The following TTC34 variants were observed in gnomAD, a reference collection of about 807,000 sequenced individuals.
The protein encoded by TTC34 is tetratricopeptide repeat domain 34.
In TTC34, 44 loss-of-function variants were observed where a neutral mutation model predicts 40.7. The observed-to-expected ratio is 1.08, with a 90% CI of 0.85 to 1.39. The LOEUF (loss-of-function observed/expected upper bound fraction) is 1.39. Ranked by LOEUF, TTC34 falls within the 40% of genes most tolerant of loss-of-function variation. TTC34 has a pLI of 0.00. For missense variants in TTC34, 884 were observed against 838.0 expected, an observed-to-expected ratio of 1.05 and a Z score of -0.68; for synonymous variants, 422 against 398.6, an observed-to-expected ratio of 1.06 and a Z score of -0.70.
At chr1:2,793,792 C>T (rs1444896163) in intron 2 of TTC34, among the ~76,000 whole-genome samples, 1 of 152,116 alleles carries the variant, frequency 6.6e-6, no homozygotes, top group Non-Finnish European at 1.5e-5. Context: ...TCTATCTATT[C>T]CTGAAGTCAA....
chr1:2,645,369 C>G lies in TTC34; in HGVS notation c.2421G>C (p.Val807=). The change falls in exon 7 of 9, where the codon GTG becomes GTC. Residue 807 remains valine, a synonymous_variant. Coordinates refer to ENST00000401095, the Ensembl canonical transcript of TTC34. This position sits in a 1 kb window ranked among gnomAD's most constrained non-coding sequence, Gnocchi z 4.7. ...AGTCGATTTTGATCAGCGCCTCCCC[C>G]ACAGCAAGGAGGCCCTGGGTGTCCT... The G allele has an allele frequency of 6.5e-7, 1 of 1,534,478 alleles. No individual in the cohort carries two copies. Among genetic ancestry groups the G allele is most frequent in the South Asian group, 1.2e-5 (1 of 83,908 alleles).
rs190984295 is a variant in TTC34 at position 2,777,482 on chromosome 1, T to G, written c.2226+6127A>C. On this transcript the variant is annotated intron_variant, in intron 6 of 8. Coordinates refer to ENST00000401095, the Ensembl canonical transcript of TTC34. ...CCGGTTAGTGTCTGAATTCCTGGAA[T>G]ATGTGCTGTCCTTTTCCACCAGGTG... 2.4e-4 allele frequency among the ~76,000 whole-genome samples: 36 copies of G among 151,818 alleles called. No homozygotes were observed. The East Asian group carries it at 4.7e-3, about 20-fold the overall frequency.
At chr1:2,753,512 G>A (rs1327645618) in intron 6 of TTC34, among the ~76,000 whole-genome samples, 1 of 15,500 alleles carries the variant, frequency 6.5e-5, no homozygotes, top group Non-Finnish European at 9.9e-5. Flanking sequence ...GGCGAGCATC[G>A]GACGGCCTGC....
chr1:2,693,779 A>AC (rs1640734975), intron 6 of TTC34, among the ~76,000 whole-genome samples: 2 of 100,740 alleles, frequency 2.0e-5, no homozygotes, highest in African/African-American at 3.9e-5. Flanking sequence ...CTGGAGCAGC[A>AC]CCCACACCCC....
chr1:2,778,770 ATCTT>A (rs1180894510), intron 6 of TTC34, among the ~76,000 whole-genome samples: 263 of 762 alleles, frequency 0.35, no homozygotes, highest in African/African-American at 0.45. Context: ...AAAATTTACC[ATCTT>A]AATTAATTAT....
At chr1:2,639,161 CAT>C (rs1291036309) in exon 9 of TTC34, 1 of 152,248 alleles carries the variant, frequency 6.6e-6, no homozygotes, top group African/African-American at 2.4e-5. Flanking sequence ...GATCGCAACA[CAT>C]AAAGTTTGGG....
intron 2 of TTC34, among the ~76,000 whole-genome samples, chr1:2,797,356 A>G (rs1347596601): frequency 3.9e-5 from 6 of 152,204 alleles, no homozygotes; most frequent in African/African-American, 1.4e-4. Context: ...CTTGCAGGAC[A>G]CTCACGCCAG....
intron 6 of TTC34, among the ~76,000 whole-genome samples, chr1:2,769,794 C>A (rs113626979): frequency 1.6e-5 from 2 of 128,730 alleles, no homozygotes; most frequent in Non-Finnish European, 3.3e-5. Context: ...GCCCACACCC[C>A]CAGGTGGGCA....
At chr1:2,794,411 C>T (rs1444277912) in intron 2 of TTC34, among the ~76,000 whole-genome samples, 1 of 152,194 alleles carries the variant, frequency 6.6e-6, no homozygotes, top group African/African-American at 2.4e-5. Context: ...AAATGGGACA[C>T]AGGGCATCTA....
At chr1:2,655,057 C>T (rs78951145) in intron 6 of TTC34, among the ~76,000 whole-genome samples, 36 of 54,704 alleles carry the variant, frequency 6.6e-4, no homozygotes, top group East Asian at 1.8e-3. Context: ...GCTGCACCCC[C>T]AAGTGAGCAC....
chr1:2,641,294 A>AC, exon 9 of TTC34: 1 of 1,425,002 alleles, frequency 7.0e-7, no homozygotes, highest in South Asian at 1.5e-5. Flanking sequence ...AGCTGGGTAC[A>AC]CCCCTGGGCC....
Position 2,792,033 on chromosome 1 carries a change from T to TTTTTTTTA in TTC34, c.785-1688_785-1687insTAAAAAAA, listed in dbSNP as rs1553171534. On this transcript the variant is annotated intron_variant, in intron 2 of 8. Coordinates refer to ENST00000401095, the Ensembl canonical transcript of TTC34. ...TTTTTTTTTTTTTTTTTTTTTTTTT[T>TTTTTTTTA]AAAGACAGGGTCTTGCTCCATCACC... is the stretch of plus-strand genomic sequence containing the variant. Among the ~76,000 whole-genome samples, 18 of 107,166 alleles carry TTTTTTTTA rather than the reference T, an allele frequency of 1.7e-4. 2 individuals are homozygous for TTTTTTTTA. The highest frequency in any genetic ancestry group is 5.8e-4 in the East Asian group (2 of 3,478). 70.3% of individuals were successfully genotyped at this position (107,166 alleles called of 152,430 possible).
intron 6 of TTC34, among the ~76,000 whole-genome samples, chr1:2,749,001 C>T (rs1641232487): frequency 6.2e-5 from 7 of 112,924 alleles, no homozygotes; most frequent in Middle Eastern, 4.7e-3. Context: ...AGCACCCACA[C>T]GCCCAGGTGA....
chr1:2,641,634 C>A, exon 9 of TTC34: 1 of 1,535,116 alleles, frequency 6.5e-7, no homozygotes, highest in Non-Finnish European at 8.7e-7. Flanking sequence ...GCCGCCTCAT[C>A]CCCCAGGCTC....
intron 6 of TTC34, among the ~76,000 whole-genome samples, chr1:2,764,178 G>A (rs1192570417): frequency 2.7e-5 from 4 of 146,314 alleles, no homozygotes; most frequent in African/African-American, 5.1e-5. Flanking sequence ...ACAGCACCCT[G>A]CAACCCCAGG....
chr1:2,691,598 T>C (rs796425993), intron 6 of TTC34, among the ~76,000 whole-genome samples: 1 of 106,890 alleles, frequency 9.4e-6, no homozygotes, highest in Non-Finnish European at 2.1e-5. Flanking sequence ...GGTGAGACCC[T>C]GACAGCCTGG....
chr1:2,789,527 G>C lies in TTC34; in HGVS notation c.1604C>G (p.Thr535Arg), dbSNP rs751006760. ...CCCCTCCTGCGTGGTGGGGCCGCCC[G>C]TCTCTGCGGCCTCCCTCCGGCCCTG... Residue 535 changes from threonine to arginine, a missense_variant, in exon 3 of 9, where the codon ACG (threonine) becomes AGG (arginine). Coordinates refer to ENST00000401095, the Ensembl canonical transcript of TTC34. 33 of 1,502,064 alleles carry C rather than the reference G, an allele frequency of 2.2e-5. No individual in the cohort carries two copies. The South Asian group carries it at 3.1e-4, about 14-fold the overall frequency. The allele number at this position is 1,502,064 out of a possible 1,614,324, so 93.0% of individuals were successfully genotyped here.
intron 2 of TTC34, among the ~76,000 whole-genome samples, chr1:2,793,976 A>G (rs1643688171): frequency 6.9e-6 from 1 of 144,618 alleles, no homozygotes; most frequent in Non-Finnish European, 1.5e-5. Context: ...TTCTGTGGAC[A>G]GTGAATATCT....
At chr1:2,691,255 C>T (rs1466696221) in intron 6 of TTC34, among the ~76,000 whole-genome samples, 1 of 91,476 alleles carries the variant, frequency 1.1e-5, no homozygotes, top group African/African-American at 3.6e-5. Flanking sequence ...TGCAACAGCA[C>T]CCACACCCCC....
Sources: gnomAD v4.1 joint callset for allele counts (sites outside exome capture counted in the v4.1 genomes callset) on GRCh38, gnomAD v4.1.1 for gene constraint, Gnocchi (gnomAD v3.1) non-coding constraint, MANE v1.5 for transcripts, NCBI Gene and HGNC (gene_info 2026-07-23, HGNC 2026-07-21) for gene names.